The following CSMD1 variants were observed in gnomAD, a reference collection of about 807,000 sequenced individuals.
CSMD1 encodes the protein CUB and sushi domain-containing protein 1.
CSMD1 carries 213 observed loss-of-function variants against 417.5 expected under a neutral mutation model. The ratio of observed to expected loss-of-function variants is 0.51; its 90% CI spans 0.46 to 0.57. The LOEUF (loss-of-function observed/expected upper bound fraction) is 0.57, where lower values mean the gene tolerates loss of function less well. Among genes scored for constraint, CSMD1 ranks in the 20% least tolerant of loss-of-function variants. The probability of loss-of-function intolerance (pLI) is 0.00; values close to 1 mark genes in which losing one functional copy is unlikely to be tolerated. For synonymous variants in CSMD1, 2,862 were observed against 1,736.8 expected (o/e 1.65, Z -16.11); for missense variants, 6,923 against 4,529.7 (o/e 1.53, Z -15.17).
chr8:4,282,167 C>T (rs1563383846), intron 3 of CSMD1, among the ~76,000 whole-genome samples: 1 of 152,198 alleles, frequency 6.6e-6, no homozygotes, highest in African/African-American at 2.4e-5. Flanking sequence ...TTCAAAATAA[C>T]TTCTGAAGTC....
chr8:4,983,511 G>C (rs1189555550), intron 1 of CSMD1, among the ~76,000 whole-genome samples: 2 of 152,142 alleles, frequency 1.3e-5, no homozygotes, highest in Non-Finnish European at 2.9e-5. Flanking sequence ...TGAAAAATCA[G>C]CAAGCAAGAA....
At chr8:4,170,876 C>A (rs1255370012) in intron 3 of CSMD1, among the ~76,000 whole-genome samples, 1 of 151,906 alleles carries the variant, frequency 6.6e-6, no homozygotes, top group Non-Finnish European at 1.5e-5. Context: ...CTCCTTTCCA[C>A]CCTGCAAAGT....
chr8:3,884,278 C>A (rs1056352408), intron 5 of CSMD1, among the ~76,000 whole-genome samples: 2 of 152,168 alleles, frequency 1.3e-5, no homozygotes, highest in Non-Finnish European at 2.9e-5. Flanking sequence ...ACTTAACATA[C>A]AATGGCCACT....
rs372746979 is a variant in CSMD1 at position 4,253,269 on chromosome 8, C to T, written c.415+166684G>A. 4.6e-5 allele frequency among the ~76,000 whole-genome samples: 7 copies of T among 152,108 alleles called. No homozygotes were observed. In the East Asian group the frequency reaches 5.8e-4, roughly 13 times the overall value. On this transcript the variant is annotated intron_variant, in intron 3 of 69. Transcript: ENST00000635120. The stretch of plus-strand genomic sequence containing the variant: ...ATCTCCAAAAAGCTTGATGTTAAGA[C>T]CCTGAGGCTAAATTAGACATTCTCT...
chr8:3,717,227 AC>A (rs1194261698), intron 6 of CSMD1, among the ~76,000 whole-genome samples: 1 of 152,192 alleles, frequency 6.6e-6, no homozygotes, highest in Non-Finnish European at 1.5e-5. Context: ...TAGTAAACGT[AC>A]CTTTCCATTA....
In CSMD1 at chr8:2,938,118, T is replaced by G. The variant is rs1031561433; in HGVS notation, c.*467A>C. On this transcript the variant is annotated 3_prime_UTR_variant, in exon 70 of 70. Transcript: ENST00000635120. ...GTGTCTTCTTCCAGAAAGCTTTTTA[T>G]TTTTTTCAGAGTATTCGTGTTCATG... 2.0e-5 allele frequency: 3 copies of G among 152,990 alleles called. No homozygotes were observed. The highest frequency in any genetic ancestry group is 7.2e-5 in the African/African-American group (3 of 41,462). The allele number at this position is 152,990 out of a possible 1,614,324, so 9.5% of individuals were successfully genotyped here.
intron 1 of CSMD1, among the ~76,000 whole-genome samples, chr8:4,752,129 C>T (rs536717712): frequency 6.6e-6 from 1 of 151,958 alleles, no homozygotes; most frequent in East Asian, 1.9e-4. Flanking sequence ...ATGTATATAT[C>T]ATATATATGT....
At chr8:4,932,052 T>A (rs76774231) in intron 1 of CSMD1, among the ~76,000 whole-genome samples, 3 of 151,092 alleles carry the variant, frequency 2.0e-5, no homozygotes, top group African/African-American at 2.4e-5. Flanking sequence ...CTAACATTTC[T>A]TTGGTATATA....
chr8:3,393,984 A>ATAATAG (rs1253519749), intron 17 of CSMD1, among the ~76,000 whole-genome samples: 13 of 11,820 alleles, frequency 1.1e-3, no homozygotes, highest in African/African-American at 3.4e-3. Flanking sequence ...AACTTAACGT[A>ATAATAG]TAATAATAAT....
chr8:3,595,110 G>T (rs575576261), intron 8 of CSMD1, among the ~76,000 whole-genome samples: 2 of 152,160 alleles, frequency 1.3e-5, no homozygotes, highest in Non-Finnish European at 2.9e-5. Context: ...TGTCCTATAA[G>T]GGAGTTTTTA....
At chr8:4,735,141 T>G (rs1426299563) in intron 1 of CSMD1, among the ~76,000 whole-genome samples, 1 of 152,162 alleles carries the variant, frequency 6.6e-6, no homozygotes, top group Non-Finnish European at 1.5e-5. Flanking sequence ...TTCAGGATCT[T>G]TTTATACATA....
chr8:4,784,158 T>G (rs921194411), intron 1 of CSMD1, among the ~76,000 whole-genome samples: 1 of 152,240 alleles, frequency 6.6e-6, no homozygotes, highest in Non-Finnish European at 1.5e-5. Flanking sequence ...TGATTCATAT[T>G]TATGTACTCA....
chr8:3,728,540 T>G (rs188905735), intron 6 of CSMD1, among the ~76,000 whole-genome samples: 1 of 152,234 alleles, frequency 6.6e-6, no homozygotes, highest in East Asian at 1.9e-4. Context: ...AATATAAACG[T>G]AGGTTTGCCT....
intron 2 of CSMD1, among the ~76,000 whole-genome samples, chr8:4,493,811 C>A (rs1412248739): frequency 1.3e-5 from 2 of 152,238 alleles, no homozygotes; most frequent in African/African-American, 4.8e-5. Flanking sequence ...GGAGGAGCCA[C>A]TAGAGGACAT....
intron 1 of CSMD1, among the ~76,000 whole-genome samples, chr8:4,678,069 A>C (rs944603782): frequency 6.6e-6 from 1 of 152,204 alleles, no homozygotes; most frequent in Non-Finnish European, 1.5e-5. Flanking sequence ...ACACACCCAC[A>C]TATGAATTAA....
intron 2 of CSMD1, among the ~76,000 whole-genome samples, chr8:4,598,538 T>C (rs1162234186): frequency 6.6e-6 from 1 of 152,184 alleles, no homozygotes; most frequent in Non-Finnish European, 1.5e-5. Flanking sequence ...ACAATGTATC[T>C]GCCAAAAGAT....
chr8:4,026,268 G>A (rs76238069), intron 4 of CSMD1, among the ~76,000 whole-genome samples: 2,366 of 152,128 alleles, frequency 0.016, 66 homozygotes, highest in African/African-American at 0.055. Context: ...ACATGTAATG[G>A]AACGCAATTT....
At chr8:2,963,484 A>G in intron 59 of CSMD1, 89 bp from the exon 60 acceptor site, 1 of 1,342,304 alleles carries the variant, frequency 7.4e-7, no homozygotes. Flanking sequence ...TTTTACCTGA[A>G]TTACAAATGA....
chr8:4,155,050 T>C (rs1211106442), intron 3 of CSMD1, among the ~76,000 whole-genome samples: 1 of 152,192 alleles, frequency 6.6e-6, no homozygotes, highest in African/African-American at 2.4e-5. Context: ...TGCTGCAGAA[T>C]TTGTCCTGTT....
Sources: gnomAD v4.1 joint callset for allele counts (sites outside exome capture counted in the v4.1 genomes callset) on GRCh38, gnomAD v4.1.1 for gene constraint, MANE v1.5 for transcripts, NCBI Gene and HGNC (gene_info 2026-07-23, HGNC 2026-07-21) for gene names.